The following DIPK1C variants were observed in gnomAD, a reference collection of about 807,000 sequenced individuals.
The protein encoded by DIPK1C is divergent protein kinase domain 1C.
DIPK1C carries 33 observed loss-of-function variants against 28.0 expected under a neutral mutation model. The ratio of observed to expected loss-of-function variants is 1.18; its 90% CI spans 0.89 to 1.58. The LOEUF (loss-of-function observed/expected upper bound fraction) is 1.58, where lower values mean the gene tolerates loss of function less well. Ranked by LOEUF, DIPK1C falls within the 40% of genes most tolerant of loss-of-function variation. DIPK1C has a pLI of 0.00. For missense variants in DIPK1C, 569 were observed against 568.5 expected (o/e 1.00, Z -0.01); for synonymous variants, 255 against 248.8 (o/e 1.02, Z -0.23).
Position 74,457,164 on chromosome 18 carries a change from G to T in DIPK1C, c.96C>A (p.Thr32=). Reference sequence around the variant, plus strand: ...GCGCGGCCGCCAGCACCCAGCCCGCGGTCCACGCGGCGAAGGCGAGGAGCG... The same window carrying T: ...GCGCGGCCGCCAGCACCCAGCCCGCTGTCCACGCGGCGAAGGCGAGGAGCG... The part of the protein sequence containing the change: ...RGTLLAFAAW[T]AGWVLAAALL... Residue 32 remains threonine, a synonymous_variant, in exon 1 of 4, where the codon ACC becomes ACA. Transcript: ENST00000343998. The T allele has an allele frequency of 7.3e-7, 1 of 1,379,030 alleles. No homozygotes were observed. Among genetic ancestry groups the T allele is most frequent in the Non-Finnish European group, 9.3e-7 (1 of 1,069,730 alleles). The allele number at this position is 1,379,030 out of a possible 1,614,324, so 85.4% of individuals were successfully genotyped here. A position where few individuals can be genotyped will look rare whatever the true frequency, so the allele number is the denominator to read the frequency against.
intron 2 of DIPK1C, among the ~76,000 whole-genome samples, chr18:74,443,835 T>A (rs746230): frequency 3.3e-5 from 5 of 152,076 alleles, no homozygotes; most frequent in Non-Finnish European, 4.4e-5. Context: ...ACTCTTCTAT[T>A]CTTTCTATGG....
In DIPK1C at chr18:74,446,894, G is replaced by A; in HGVS notation, c.588C>T (p.Tyr196=). 1 of 1,517,754 alleles carries A rather than the reference G, an allele frequency of 6.6e-7. No homozygotes were observed. The highest frequency in any genetic ancestry group is 8.9e-7 in the Non-Finnish European group (1 of 1,127,862). The allele number at this position is 1,517,754 out of a possible 1,614,324, so 94.0% of individuals were successfully genotyped here. A position where few individuals can be genotyped will look rare whatever the true frequency, so the allele number is the denominator to read the frequency against. The change falls in exon 2 of 4, where the codon TAC becomes TAT. Residue 196 remains tyrosine, a synonymous_variant. Transcript: ENST00000343998. ...GGTCCTGCAGCAGGCTGAAGTAGAC[G>A]TACTCCTCCTGCTGCAGCAGGGCCC... is the stretch of plus-strand genomic sequence containing the variant. ...SLWALLQQEE[Y]VYFSLLQDLS... is the part of the protein sequence containing the mutation.
Position 74,457,175 on chromosome 18 carries a change from C to T in DIPK1C, c.85G>A (p.Ala29Thr). The part of the protein sequence containing the change: ...RCGRGTLLAF[A>T]AWTAGWVLAA... Reference sequence around the variant, plus strand: ...AGCACCCAGCCCGCGGTCCACGCGGCGAAGGCGAGGAGCGTGCCCCGCCCG... The same window carrying T: ...AGCACCCAGCCCGCGGTCCACGCGGTGAAGGCGAGGAGCGTGCCCCGCCCG... The change falls in exon 1 of 4, where the codon GCC (alanine) becomes ACC (threonine). Residue 29 changes from alanine to threonine, a missense_variant. Ala to Thr is a moderately conservative substitution (Grantham distance 58, BLOSUM62 0). Transcript: ENST00000343998. The T allele has an allele frequency of 7.3e-7, 1 of 1,361,410 alleles. No homozygotes were observed. The highest frequency in any genetic ancestry group is 1.5e-5 in the African/African-American group (1 of 65,156). The allele number at this position is 1,361,410 out of a possible 1,614,324, so 84.3% of individuals were successfully genotyped here. A position where few individuals can be genotyped will look rare whatever the true frequency, so the allele number is the denominator to read the frequency against.
At chr18:74,456,478 C>T (rs910858934) in intron 1 of DIPK1C, among the ~76,000 whole-genome samples, 3 of 152,246 alleles carry the variant, frequency 2.0e-5, no homozygotes, top group Non-Finnish European at 4.4e-5. Flanking sequence ...CCCGAGCGCA[C>T]ACTGCGTCGG....
chr18:74,454,986 G>A (rs776414976), intron 1 of DIPK1C, among the ~76,000 whole-genome samples: 5 of 152,190 alleles, frequency 3.3e-5, no homozygotes, highest in Non-Finnish European at 5.9e-5. Context: ...TGGAGACAGC[G>A]TCACATCGAC....
rs1986004361 is a variant in DIPK1C at position 74,436,701 on chromosome 18, A to G, written c.1060T>C (p.Phe354Leu). ...NNLQVICDKI[F>L]RHWFSAPLKS... The stretch of plus-strand genomic sequence containing the variant: ...AGAGGCGCGGAAAACCAATGGCGAA[A>G]TATTTTGTCACAGATGACCTGAGGG... Residue 354 changes from phenylalanine to leucine, a missense_variant, in exon 4 of 4, where the codon TTT becomes CTT. Physicochemically the swap from Phe to Leu is conservative, Grantham distance 22. Transcript: ENST00000343998. 1 of 1,613,002 alleles carries G rather than the reference A, an allele frequency of 6.2e-7. No individual in the cohort carries two copies.
chr18:74,447,275 G>C lies in DIPK1C; in HGVS notation c.207C>G (p.Asp69Glu). 1 of 1,532,508 alleles carries C rather than the reference G, an allele frequency of 6.5e-7. No homozygotes were observed. The allele number at this position is 1,532,508 out of a possible 1,614,324, so 94.9% of individuals were successfully genotyped here. A position where few individuals can be genotyped will look rare whatever the true frequency, so the allele number is the denominator to read the frequency against. The change falls in exon 2 of 4, where the codon GAC becomes GAG. Residue 69 changes from aspartate (D) to glutamate (E), a missense_variant. Coordinates refer to ENST00000343998, the MANE Select transcript of DIPK1C (RefSeq NM_001044369.3). This position sits in a 1 kb window ranked among gnomAD's most constrained non-coding sequence, Gnocchi z 4.1. ...SRRILAALCQ[D>E]YQGGTLAGDL... ...CCCCGGCCAGCGTGCCGCCCTGGTA[G>C]TCCTGGCACTGGAAGGAAGGGAACA... is the stretch of plus-strand genomic sequence containing the variant.
chr18:74,454,186 A>T (rs552001233), intron 1 of DIPK1C, among the ~76,000 whole-genome samples: 1 of 122,452 alleles, frequency 8.2e-6, no homozygotes, highest in Non-Finnish European at 2.0e-5. Context: ...CTAGAGTCTG[A>T]CCAGGAAAAT....
chr18:74,438,040 T>C (rs372072785), intron 3 of DIPK1C, among the ~76,000 whole-genome samples: 24 of 152,158 alleles, frequency 1.6e-4, no homozygotes, highest in African/African-American at 5.8e-4. Context: ...TACAAGGGCA[T>C]AGCACCATGC....
chr18:74,461,408 C>CTTT (rs71901950), upstream of DIPK1C, among the ~76,000 whole-genome samples: 1 of 135,514 alleles, frequency 7.4e-6, no homozygotes, highest in African/African-American at 2.8e-5. Flanking sequence ...TTCTCTTTCT[C>CTTT]TTTTTTTTTT....
intron 1 of DIPK1C, among the ~76,000 whole-genome samples, chr18:74,455,794 G>A (rs1369124765): frequency 6.6e-6 from 1 of 150,380 alleles, no homozygotes; most frequent in Non-Finnish European, 1.5e-5. Flanking sequence ...TAAAACTTCA[G>A]TGTAACACTA....
intron 2 of DIPK1C, among the ~76,000 whole-genome samples, 183 bp downstream of exon 2, chr18:74,446,423 A>C (rs1221971582): frequency 6.6e-6 from 1 of 152,150 alleles, no homozygotes; most frequent in East Asian, 1.9e-4. Flanking sequence ...CTCACTGGAG[A>C]TGCATCTGTT....
rs907774762 is a variant in DIPK1C, at chr18:74,434,779, C to T, written c.*1722G>A. The stretch of plus-strand genomic sequence containing the variant: ...GGAATCCACTAGTCCTAGGCCTGGC[C>T]GTTGAACTTTGGTTTTAATTTGCTC... On this transcript the variant is annotated 3_prime_UTR_variant, in exon 4 of 4. Coordinates refer to ENST00000343998, the MANE Select transcript of DIPK1C (RefSeq NM_001044369.3). The T allele has an allele frequency of 5.9e-5, 9 of 152,242 alleles. No individual in the cohort carries two copies. Among genetic ancestry groups the T allele is most frequent in the Non-Finnish European group, 1.2e-4 (8 of 68,076 alleles). The allele number at this position is 152,242 out of a possible 1,614,324, so 9.4% of individuals were successfully genotyped here. A position where few individuals can be genotyped will look rare whatever the true frequency, so the allele number is the denominator to read the frequency against.
chr18:74,455,566 G>A (rs1005315007), intron 1 of DIPK1C, among the ~76,000 whole-genome samples: 5 of 151,976 alleles, frequency 3.3e-5, no homozygotes, highest in Admixed American at 6.6e-5. Context: ...CGAAGTGGGC[G>A]GATCGCCTGA....
At chr18:74,454,887 CAG>C (rs1265281441) in intron 1 of DIPK1C, among the ~76,000 whole-genome samples, 17 of 152,198 alleles carry the variant, frequency 1.1e-4, no homozygotes, top group Admixed American at 8.5e-4. Flanking sequence ...GGCAGGAAGA[CAG>C]GGGGAGAAAG....
intron 1 of DIPK1C, among the ~76,000 whole-genome samples, chr18:74,448,627 G>A (rs926641654): frequency 4.6e-5 from 7 of 152,136 alleles, no homozygotes; most frequent in African/African-American, 1.7e-4. Context: ...AGGGAAGTGT[G>A]TGTGCACACC....
At position 74,441,954 on chromosome 18, in the gene DIPK1C, G is replaced by T; in HGVS notation, c.1039C>A (p.Gln347Lys). ...CCAGCCCTGGCGGACTCTCATACCT[G>T]CAGGTTGTTGTTTACGCGCTGCGCT... ...CGAQRVNNNL[Q>K]VICDKIFRHW... Residue 347 changes from glutamine to lysine, a missense_variant and splice_region_variant, in exon 3 of 4, where the codon CAG becomes AAG. Transcript: ENST00000343998. The T allele has an allele frequency of 6.2e-7, 1 of 1,612,942 alleles. No individual in the cohort carries two copies. Among genetic ancestry groups the T allele is most frequent in the East Asian group, 2.2e-5 (1 of 44,846 alleles).
At chr18:74,448,275 A>G (rs1986319275) in intron 1 of DIPK1C, among the ~76,000 whole-genome samples, 1 of 152,004 alleles carries the variant, frequency 6.6e-6, no homozygotes, top group Admixed American at 6.5e-5. Context: ...CATTTCCCCG[A>G]CAAATGAATC....
chr18:74,445,289 G>T (rs1300620100), intron 2 of DIPK1C, among the ~76,000 whole-genome samples: 1 of 152,146 alleles, frequency 6.6e-6, no homozygotes, highest in African/African-American at 2.4e-5. Context: ...TGCAGACGCG[G>T]GTGAGTTCCC....
Sources: allele counts gnomAD v4.1 joint callset (sites outside exome capture counted in the v4.1 genomes callset), GRCh38; gene constraint gnomAD v4.1.1; non-coding constraint Gnocchi (gnomAD v3.1); transcripts MANE v1.5; gene names NCBI Gene and HGNC (gene_info 2026-07-23, HGNC 2026-07-21).